The following ZFHX4 variants were observed in gnomAD, a reference collection of about 807,000 sequenced individuals.
ZFHX4 encodes the protein zinc finger homeobox 4.
ZFHX4 carries 56 observed loss-of-function variants against 267.6 expected under a neutral mutation model. That is an observed-to-expected ratio of 0.21 (90% CI 0.17 to 0.26). The LOEUF (loss-of-function observed/expected upper bound fraction) is 0.26, where lower values mean the gene tolerates loss of function less well. Ranked by LOEUF, ZFHX4 falls within the 10% of genes least tolerant of loss-of-function variation. The probability of loss-of-function intolerance (pLI) is 1.00; values close to 1 mark genes in which losing one functional copy is unlikely to be tolerated. For synonymous variants in ZFHX4, 1,778 were observed against 1,665.6 expected, an observed-to-expected ratio of 1.07 and a Z score of -1.64; for missense variants, 4,332 against 4,420.0, an observed-to-expected ratio of 0.98 and a Z score of 0.56.
intron 4 of ZFHX4, among the ~76,000 whole-genome samples, chr8:76,796,320 T>A (rs143946655): frequency 6.6e-6 from 1 of 152,344 alleles, no homozygotes; most frequent in African/African-American, 2.4e-5. Flanking sequence ...ATAGCTGATT[T>A]CTATAGAATA....
At chr8:76,722,554 G>T (rs1199456246) in intron 3 of ZFHX4, among the ~76,000 whole-genome samples, 1 of 151,468 alleles carries the variant, frequency 6.6e-6, no homozygotes, top group Non-Finnish European at 1.5e-5. Context: ...TTTAAAACAA[G>T]GTTGGGTATT....
chr8:76,807,096 C>T (rs879541169), intron 4 of ZFHX4, among the ~76,000 whole-genome samples: 1 of 152,054 alleles, frequency 6.6e-6, no homozygotes, highest in African/African-American at 2.4e-5. Flanking sequence ...TAAATGTAAT[C>T]ATCACAATAT....
chr8:76,787,933 T>C (rs1339701885), intron 4 of ZFHX4, among the ~76,000 whole-genome samples: 1 of 152,150 alleles, frequency 6.6e-6, no homozygotes, highest in Non-Finnish European at 1.5e-5. Flanking sequence ...GACCAATCTC[T>C]GTATGCCCAC....
intron 4 of ZFHX4, among the ~76,000 whole-genome samples, chr8:76,821,109 TG>T (rs1811637238): frequency 6.7e-6 from 1 of 149,998 alleles, no homozygotes; most frequent in Non-Finnish European, 1.5e-5. Context: ...TCACCCTCAA[TG>T]TTTTTCAGAC....
At chr8:76,693,412 C>A (rs1328298302) in intron 1 of ZFHX4, 2 of 152,126 alleles carry the variant, frequency 1.3e-5, no homozygotes, top group Non-Finnish European at 2.9e-5. Flanking sequence ...GGATATAGCA[C>A]AATCCCCTTG....
chr8:76,820,432 AAG>A (rs1241394368), intron 4 of ZFHX4, among the ~76,000 whole-genome samples: 3 of 152,168 alleles, frequency 2.0e-5, no homozygotes, highest in Non-Finnish European at 2.9e-5. Context: ...TTTGAATCAT[AAG>A]ATGTTTATGG....
At chr8:76,788,484 A>C (rs1187859604) in intron 4 of ZFHX4, among the ~76,000 whole-genome samples, 1 of 152,138 alleles carries the variant, frequency 6.6e-6, no homozygotes, top group Non-Finnish European at 1.5e-5. Flanking sequence ...CTCAGTCCAG[A>C]TTTCAATTTT....
chr8:76,838,120 T>C (rs1408883839), intron 5 of ZFHX4, among the ~76,000 whole-genome samples: 2 of 152,180 alleles, frequency 1.3e-5, no homozygotes, highest in African/African-American at 4.8e-5. Context: ...GATAAGGAAA[T>C]GTAATGGTAC....
At chr8:76,696,823 A>G (rs1214455535) in intron 1 of ZFHX4, among the ~76,000 whole-genome samples, 1 of 152,012 alleles carries the variant, frequency 6.6e-6, no homozygotes, top group Non-Finnish European at 1.5e-5. Flanking sequence ...AAGTTATTTA[A>G]AATATTTACA....
chr8:76,840,363 G>A (rs766149683), intron 5 of ZFHX4, among the ~76,000 whole-genome samples: 15 of 152,286 alleles, frequency 9.8e-5, no homozygotes, highest in Middle Eastern at 3.4e-3. Flanking sequence ...CTGACACAGA[G>A]TCTTTGTTCA....
chr8:76,776,280 A>G (rs1220331065), intron 3 of ZFHX4, among the ~76,000 whole-genome samples: 1 of 152,100 alleles, frequency 6.6e-6, no homozygotes, highest in Admixed American at 6.6e-5. Context: ...TGAGAAAAAA[A>G]AAGGGAGTTT....
intron 4 of ZFHX4, among the ~76,000 whole-genome samples, chr8:76,814,973 G>C (rs913471499): frequency 6.6e-6 from 1 of 152,162 alleles, no homozygotes; most frequent in African/African-American, 2.4e-5. Context: ...TGGAGAAAGA[G>C]GGTGGAAAGG....
At chr8:76,700,349 A>G (rs1275073349) in intron 1 of ZFHX4, among the ~76,000 whole-genome samples, 1 of 152,120 alleles carries the variant, frequency 6.6e-6, no homozygotes, top group African/African-American at 2.4e-5. Context: ...CCTCTTGATC[A>G]GATCACGTTC....
At position 76,863,380 on chromosome 8, in the gene ZFHX4, C is replaced by T. The variant is rs888802519; in HGVS notation, c.9666C>T (p.Ile3222=). Residue 3222 remains isoleucine (I), a synonymous_variant, in exon 11 of 11, where the codon ATC becomes ATT. Coordinates refer to ENST00000651372, the MANE Select transcript of ZFHX4 (RefSeq NM_024721.5). ...PEKHPKKEEK[I]SSALSVLGKV... is the part of the protein sequence containing the mutation. ...AACACCCCAAAAAAGAGGAAAAAATCTCATCTGCTCTTTCAGTGTTGGGCA... is the reference window on the plus strand; with the variant it reads ...AACACCCCAAAAAAGAGGAAAAAATTTCATCTGCTCTTTCAGTGTTGGGCA... 1 of 1,613,808 alleles carries T rather than the reference C, an allele frequency of 6.2e-7. No homozygotes were observed. Among genetic ancestry groups the T allele is most frequent in the Non-Finnish European group, 8.5e-7 (1 of 1,179,864 alleles).
intron 1 of ZFHX4, among the ~76,000 whole-genome samples, chr8:76,699,579 CA>C (rs937885903): frequency 4.4e-4 from 67 of 152,172 alleles, no homozygotes; most frequent in African/African-American, 1.5e-3. Context: ...GACTGAGAAA[CA>C]GGCAATTCCC....
At chr8:76,714,677 TAGA>T (rs1808518333) in intron 3 of ZFHX4, among the ~76,000 whole-genome samples, 1 of 152,224 alleles carries the variant, frequency 6.6e-6, no homozygotes, top group Non-Finnish European at 1.5e-5. Context: ...CTGGTAAATA[TAGA>T]AGCACTTATT....
intron 3 of ZFHX4, among the ~76,000 whole-genome samples, chr8:76,771,331 G>C (rs1420109648): frequency 3.3e-5 from 5 of 152,158 alleles, no homozygotes; most frequent in African/African-American, 7.2e-5. Context: ...TATATTCACT[G>C]CTGCAATTCC....
At chr8:76,683,194 C>G (rs921334999) in intron 1 of ZFHX4, 1 of 152,218 alleles carries the variant, frequency 6.6e-6, no homozygotes, top group Non-Finnish European at 1.5e-5. Context: ...GTGAGACACC[C>G]TCCTTGTAGG....
intron 1 of ZFHX4, among the ~76,000 whole-genome samples, chr8:76,687,128 T>C (rs1807711943): frequency 3.3e-5 from 5 of 152,206 alleles, no homozygotes; most frequent in Admixed American, 2.0e-4. Context: ...AATTGCAGTA[T>C]TGTTCTGAAA....
Sources: gnomAD v4.1 joint callset for allele counts (sites outside exome capture counted in the v4.1 genomes callset) on GRCh38, gnomAD v4.1.1 for gene constraint, MANE v1.5 for transcripts, NCBI Gene and HGNC (gene_info 2026-07-23, HGNC 2026-07-21) for gene names.